The following PTPRT variants were observed in gnomAD, a reference collection of about 807,000 sequenced individuals.
PTPRT encodes protein tyrosine phosphatase receptor type T, also known as receptor-type tyrosine-protein phosphatase T.
A neutral mutation model predicts 176.8 loss-of-function variants in PTPRT; 56 were observed. That is an observed-to-expected ratio of 0.32 (90% CI 0.26 to 0.40). The LOEUF (loss-of-function observed/expected upper bound fraction) is 0.40. Ranked by LOEUF, PTPRT falls within the 10% of genes least tolerant of loss-of-function variation. PTPRT has a pLI of 1.00. For synonymous variants in PTPRT, 783 were observed against 739.0 expected (o/e 1.06, Z -0.96); for missense variants, 1,540 against 1,908.2 (o/e 0.81, Z 3.60).
intron 17 of PTPRT, among the ~76,000 whole-genome samples, chr20:42,158,683 T>C (rs541868354): frequency 1.2e-4 from 19 of 152,352 alleles, no homozygotes; most frequent in Admixed American, 5.9e-4. Flanking sequence ...CATTGCGGGC[T>C]AGCACATTGT....
intron 9 of PTPRT, among the ~76,000 whole-genome samples, chr20:42,378,430 C>T (rs1215980404): frequency 1.3e-5 from 2 of 152,154 alleles, no homozygotes; most frequent in Non-Finnish European, 2.9e-5. Context: ...TCTCCTGATG[C>T]CCTATTTTAC....
At chr20:42,133,396 G>GGAAA (rs1240563010) in intron 18 of PTPRT, among the ~76,000 whole-genome samples, 1 of 152,170 alleles carries the variant, frequency 6.6e-6, no homozygotes, top group Non-Finnish European at 1.5e-5. Context: ...CAGACATGGA[G>GGAAA]GAAACTTAAA....
At chr20:42,983,304 A>C (rs1193067042) in intron 1 of PTPRT, among the ~76,000 whole-genome samples, 3 of 152,226 alleles carry the variant, frequency 2.0e-5, no homozygotes, top group Non-Finnish European at 4.4e-5. Flanking sequence ...AATAACAATG[A>C]AAATGAGTTG....
At chr20:43,113,041 A>G (rs1361808226) in intron 1 of PTPRT, among the ~76,000 whole-genome samples, 1 of 151,522 alleles carries the variant, frequency 6.6e-6, no homozygotes, top group Non-Finnish European at 1.5e-5. Flanking sequence ...GGGGTTTTGC[A>G]TGTAACTCAT....
chr20:42,800,447 A>G (rs1216011760), intron 2 of PTPRT, among the ~76,000 whole-genome samples: 1 of 152,166 alleles, frequency 6.6e-6, no homozygotes, highest in African/African-American at 2.4e-5. Flanking sequence ...AGTAAAGAGA[A>G]CAACAGGGCT....
At chr20:42,709,083 C>G (rs1275688011) in intron 6 of PTPRT, among the ~76,000 whole-genome samples, 1 of 152,216 alleles carries the variant, frequency 6.6e-6, no homozygotes. Context: ...GCATGCCAAG[C>G]TTGTAGCTTG....
intron 1 of PTPRT, among the ~76,000 whole-genome samples, chr20:43,127,749 A>T (rs1791233274): frequency 6.6e-6 from 1 of 151,948 alleles, no homozygotes; most frequent in Non-Finnish European, 1.5e-5. Flanking sequence ...CCAAAGAGAA[A>T]CTCTTTTTGG....
intron 1 of PTPRT, among the ~76,000 whole-genome samples, chr20:43,124,075 A>G (rs2013359878): frequency 6.6e-6 from 1 of 152,212 alleles, no homozygotes; most frequent in African/African-American, 2.4e-5. Flanking sequence ...AATTAAGGAG[A>G]AAGGACTGAA....
At chr20:43,116,287 G>A (rs2013056766) in intron 1 of PTPRT, among the ~76,000 whole-genome samples, 1 of 152,054 alleles carries the variant, frequency 6.6e-6, no homozygotes, top group Non-Finnish European at 1.5e-5. Flanking sequence ...TACCACCACT[G>A]GAAAAGCAGC....
chr20:42,116,342 T>A (rs527900507), intron 21 of PTPRT, among the ~76,000 whole-genome samples: 1 of 152,282 alleles, frequency 6.6e-6, no homozygotes, highest in South Asian at 2.1e-4. Flanking sequence ...CTAATCATCC[T>A]GCAGACTAGC....
chr20:42,244,474 T>C (rs1430073789), intron 14 of PTPRT, among the ~76,000 whole-genome samples: 1 of 152,162 alleles, frequency 6.6e-6, no homozygotes, highest in Non-Finnish European at 1.5e-5. Flanking sequence ...GAACCATGGA[T>C]GGTACCAACT....
intron 11 of PTPRT, 51 bp downstream of exon 11, chr20:42,350,577 T>C (rs748335093): frequency 3.6e-6 from 5 of 1,407,626 alleles, no homozygotes; most frequent in African/African-American, 1.4e-5. Flanking sequence ...TGGAGGCCCA[T>C]GTGGCACAGA....
intron 2 of PTPRT, among the ~76,000 whole-genome samples, chr20:42,860,041 T>A (rs1236679979): frequency 1.3e-5 from 2 of 152,236 alleles, no homozygotes; most frequent in Non-Finnish European, 2.9e-5. Flanking sequence ...GTCATCTATG[T>A]TTTCCAAATT....
At chr20:43,058,424 G>A (rs1488289800) in intron 1 of PTPRT, among the ~76,000 whole-genome samples, 2 of 151,680 alleles carry the variant, frequency 1.3e-5, no homozygotes, top group Non-Finnish European at 2.9e-5. Flanking sequence ...GAGAGGAAGA[G>A]AGAGAGAGAA....
intron 9 of PTPRT, among the ~76,000 whole-genome samples, chr20:42,382,087 A>G (rs1388488527): frequency 1.3e-5 from 2 of 152,230 alleles, no homozygotes; most frequent in African/African-American, 2.4e-5. Flanking sequence ...TGAACATTAG[A>G]ATCAACTTGG....
chr20:42,201,989 G>GTGTGTGTGTGTGTGT (rs1991472842), intron 15 of PTPRT, among the ~76,000 whole-genome samples: 1 of 146,658 alleles, frequency 6.8e-6, no homozygotes, highest in Non-Finnish European at 1.5e-5. Context: ...ATGTATGTGT[G>GTGTGTGTGTGTGTGT]GACAGTGTCT....
chr20:43,088,331 GGGGTGT>G (rs1184324737), intron 1 of PTPRT, among the ~76,000 whole-genome samples: 2 of 113,558 alleles, frequency 1.8e-5, no homozygotes, highest in African/African-American at 3.6e-5. Flanking sequence ...GTTTTGCTTT[GGGGTGT>G]GTGTGTGTGT....
intron 7 of PTPRT, among the ~76,000 whole-genome samples, chr20:42,605,454 C>A (rs535911189): frequency 6.6e-6 from 1 of 152,310 alleles, no homozygotes; most frequent in East Asian, 1.9e-4. Flanking sequence ...TTACTCACTT[C>A]TTAGACGTCT....
chr20:43,084,027 A>G (rs1321959378), intron 1 of PTPRT, among the ~76,000 whole-genome samples: 7 of 152,200 alleles, frequency 4.6e-5, no homozygotes. Flanking sequence ...TGTTTTGCTT[A>G]TCCATTTGCC....
Sources: allele counts gnomAD v4.1 joint callset (sites outside exome capture counted in the v4.1 genomes callset), GRCh38; gene constraint gnomAD v4.1.1; transcripts MANE v1.5; gene names NCBI Gene and HGNC (gene_info 2026-07-23, HGNC 2026-07-21).